ASIC2: variants seen among roughly 807,000 people sequenced by gnomAD.
The protein encoded by ASIC2 is acid sensing ion channel subunit 2.
Under a neutral mutation model 57.3 loss-of-function variants are expected in ASIC2, and 25 were observed. The observed-to-expected ratio is 0.44, with a 90% CI of 0.32 to 0.61. The LOEUF (loss-of-function observed/expected upper bound fraction) is 0.61. Ranked by LOEUF, ASIC2 falls within the 20% of genes least tolerant of loss-of-function variation. The pLI, the probability that ASIC2 is intolerant of heterozygous loss-of-function variation, is 0.06. For synonymous variants in ASIC2, 319 were observed against 307.5 expected (o/e 1.04, Z -0.39); for missense variants, 641 against 738.1 (o/e 0.87, Z 1.52).
At position 33,291,977 on chromosome 17, in the gene ASIC2, C is replaced by T. The variant is rs1445606094; in HGVS notation, c.139G>A (p.Ala47Thr). The T allele has an allele frequency of 3.8e-6, 5 of 1,315,768 alleles. No individual in the cohort carries two copies. The highest frequency in any genetic ancestry group is 2.9e-6 in the Non-Finnish European group (3 of 1,043,558). The allele number at this position is 1,315,768 out of a possible 1,614,324, so 81.5% of individuals were successfully genotyped here. A position where few individuals can be genotyped will look rare whatever the true frequency, so the allele number is the denominator to read the frequency against. The change falls in exon 1 of 10, where the codon GCG (alanine) becomes ACG (threonine). Residue 47 changes from alanine (A) to threonine (T), a missense_variant. Ala to Thr is a moderately conservative substitution (Grantham distance 58). Transcript: ENST00000225823. ...CGGGCGACCCCTGGCCCCTGCAGCG[C>T]CCGCTCGCCGCCTCTGCCGCCCCCG... ...QPGGGRGGER[A>T]LQGPGVARRG...
At chr17:33,500,998 C>T (rs905936323) in intron 1 of ASIC2, among the ~76,000 whole-genome samples, 6 of 152,228 alleles carry the variant, frequency 3.9e-5, no homozygotes, top group African/African-American at 1.2e-4. Flanking sequence ...TCCCAGGCAA[C>T]GCAGTGTCCT....
intron 1 of ASIC2, among the ~76,000 whole-genome samples, chr17:33,596,891 A>G (rs1199490510): frequency 6.6e-6 from 1 of 152,252 alleles, no homozygotes; most frequent in Non-Finnish European, 1.5e-5. Context: ...ATGAGAAAAG[A>G]GTACTCCAGA....
chr17:33,399,034 A>G (rs1910184778), intron 1 of ASIC2, among the ~76,000 whole-genome samples: 1 of 152,120 alleles, frequency 6.6e-6, no homozygotes, highest in Non-Finnish European at 1.5e-5. Context: ...GCCATTTTCT[A>G]CTCTGTATCC....
intron 1 of ASIC2, among the ~76,000 whole-genome samples, chr17:33,957,950 G>A (rs1904790761): frequency 6.6e-6 from 1 of 152,164 alleles, no homozygotes; most frequent in Non-Finnish European, 1.5e-5. Context: ...AAAGGCATTG[G>A]GTAAATACAC....
chr17:33,443,009 T>G (rs2141985083), intron 1 of ASIC2, among the ~76,000 whole-genome samples: 1 of 152,288 alleles, frequency 6.6e-6, no homozygotes, highest in African/African-American at 2.4e-5. Context: ...TTATGAAATG[T>G]TTTTTTCTGC....
At chr17:33,364,220 C>T (rs1270394651) in intron 1 of ASIC2, among the ~76,000 whole-genome samples, 3 of 152,202 alleles carry the variant, frequency 2.0e-5, no homozygotes, top group Admixed American at 6.5e-5. Flanking sequence ...CCATAACCAA[C>T]TGACTTTGGC....
chr17:33,593,885 C>T (rs1175969464), intron 1 of ASIC2, among the ~76,000 whole-genome samples: 1 of 152,202 alleles, frequency 6.6e-6, no homozygotes, highest in Non-Finnish European at 1.5e-5. Flanking sequence ...TCTGCACAGC[C>T]TTAGAAAACC....
intron 1 of ASIC2, among the ~76,000 whole-genome samples, chr17:33,548,386 G>C (rs1401699312): frequency 6.6e-6 from 1 of 152,206 alleles, no homozygotes; most frequent in Non-Finnish European, 1.5e-5. Context: ...CTCAGGAGGA[G>C]ACATGGCTCT....
Position 33,888,341 on chromosome 17 carries a change from C to A in ASIC2, c.555+267637G>T, listed in dbSNP as rs189457568. On this transcript the variant is annotated intron_variant, in intron 1 of 9. Transcript: ENST00000359872. Reference sequence around the variant, plus strand: ...ATAGCAAGTGTGGGGGTGCTGCAAGCTCACATGGCTGGAATATGAAGTCAG... The same window carrying A: ...ATAGCAAGTGTGGGGGTGCTGCAAGATCACATGGCTGGAATATGAAGTCAG... Among the ~76,000 whole-genome samples the A allele has an allele frequency of 2.6e-5, 4 of 152,222 alleles. No homozygotes were observed. In the East Asian group the frequency reaches 7.7e-4, roughly 29 times the overall value.
intron 1 of ASIC2, among the ~76,000 whole-genome samples, chr17:33,605,076 G>T (rs1162044573): frequency 1.3e-5 from 2 of 151,878 alleles, no homozygotes; most frequent in Non-Finnish European, 2.9e-5. Flanking sequence ...TGAATCTCCA[G>T]CAGAAATCCT....
intron 1 of ASIC2, among the ~76,000 whole-genome samples, chr17:33,661,108 C>T (rs1438751351): frequency 6.6e-6 from 1 of 152,186 alleles, no homozygotes; most frequent in Admixed American, 6.5e-5. Context: ...CTTCCACTCC[C>T]TCTGCCCCCG....
chr17:33,777,796 G>A (rs998513389), intron 1 of ASIC2, among the ~76,000 whole-genome samples: 1 of 152,148 alleles, frequency 6.6e-6, no homozygotes, highest in Admixed American at 6.5e-5. Context: ...GCAGGTGTGC[G>A]GTTATTATCG....
At chr17:33,685,698 T>C (rs1908163755) in intron 1 of ASIC2, among the ~76,000 whole-genome samples, 1 of 152,096 alleles carries the variant, frequency 6.6e-6, no homozygotes, top group Non-Finnish European at 1.5e-5. Flanking sequence ...TGCTCCTTGG[T>C]TTTACTGTAC....
rs1905556996 is a variant in ASIC2, at chr17:33,292,856, C to G, written c.-741G>C. 1 of 985,422 alleles carries G rather than the reference C, an allele frequency of 1.0e-6. No homozygotes were observed. The highest frequency in any genetic ancestry group is 6.1e-5 in the Admixed American group (1 of 16,274). The allele number at this position is 985,422 out of a possible 1,614,324, so 61.0% of individuals were successfully genotyped here. ...GCTTCCCCAAGTCCTGCGCCTAAGT[C>G]CTGCCAGGCGCCCGCTCTCGCCTGG... On this transcript the variant is annotated 5_prime_UTR_variant, in exon 1 of 10. Coordinates refer to ENST00000225823, the MANE Select transcript of ASIC2 (RefSeq NM_183377.2).
At chr17:33,622,343 T>C (rs190484405) in intron 1 of ASIC2, among the ~76,000 whole-genome samples, 2 of 152,234 alleles carry the variant, frequency 1.3e-5, no homozygotes, top group East Asian at 1.9e-4. Flanking sequence ...GGCTTTAGGA[T>C]TGAGTCAAGA....
chr17:33,722,265 T>C (rs1238170181), intron 1 of ASIC2, among the ~76,000 whole-genome samples: 1 of 152,228 alleles, frequency 6.6e-6, no homozygotes, highest in African/African-American at 2.4e-5. Flanking sequence ...AAGATGTGAC[T>C]TGGCTCCTCA....
intron 1 of ASIC2, among the ~76,000 whole-genome samples, chr17:33,745,910 G>A (rs1268785214): frequency 6.6e-5 from 10 of 152,032 alleles, no homozygotes; most frequent in Non-Finnish European, 1.5e-4. Context: ...AAGTATAAAT[G>A]CACGTTTCTT....
intron 1 of ASIC2, among the ~76,000 whole-genome samples, chr17:33,563,065 G>A (rs755900321): frequency 6.6e-5 from 10 of 152,186 alleles, no homozygotes; most frequent in Admixed American, 6.5e-5. Flanking sequence ...GAACTCTTGG[G>A]CCAAAGGAAC....
chr17:33,388,074 C>T (rs79597671), intron 1 of ASIC2, among the ~76,000 whole-genome samples: 1,835 of 140,484 alleles, frequency 0.013, 36 homozygotes, highest in African/African-American at 0.045. Flanking sequence ...AGAGAGACTC[C>T]ATCTCAAAAA....
Sources: gnomAD v4.1 joint callset for allele counts (sites outside exome capture counted in the v4.1 genomes callset) on GRCh38, gnomAD v4.1.1 for gene constraint, MANE v1.5 for transcripts, NCBI Gene and HGNC (gene_info 2026-07-23, HGNC 2026-07-21) for gene names.